PARPBP: variants seen among roughly 807,000 people sequenced by gnomAD.
PARPBP encodes the protein PCNA-interacting partner.
In PARPBP, 52 loss-of-function variants were observed where a neutral mutation model predicts 50.0. The ratio of observed to expected loss-of-function variants is 1.04; its 90% CI spans 0.83 to 1.31. The LOEUF (loss-of-function observed/expected upper bound fraction) is 1.31, where lower values mean the gene tolerates loss of function less well. PARPBP is among the 50% of genes most tolerant of loss of function. The probability of loss-of-function intolerance (pLI) is 0.00; values close to 1 mark genes in which losing one functional copy is unlikely to be tolerated. For missense variants in PARPBP, 697 were observed against 672.0 expected (o/e 1.04, Z -0.41); for synonymous variants, 244 against 232.1 (o/e 1.05, Z -0.47).
chr12:102,180,784 C>T (rs1462946194), intron 8 of PARPBP, among the ~76,000 whole-genome samples: 8 of 152,152 alleles, frequency 5.3e-5, no homozygotes, highest in East Asian at 1.9e-4. Context: ...ATTCTGCATT[C>T]GCATTTCTAA....
At chr12:102,178,543 C>A in intron 7 of PARPBP, 49 bp from the exon 8 acceptor site, 1 of 1,247,402 alleles carries the variant, frequency 8.0e-7, no homozygotes, top group Non-Finnish European at 1.1e-6. Flanking sequence ...TGGCCATTCA[C>A]CCAGCTGGGG....
intron 2 of PARPBP, among the ~76,000 whole-genome samples, chr12:102,147,715 T>TA (rs1447168589): frequency 6.6e-6 from 1 of 151,656 alleles, no homozygotes; most frequent in African/African-American, 2.4e-5. Flanking sequence ...TAAAGTATAA[T>TA]AATAATAAAA....
chr12:102,188,579 G>A (rs1230194274), intron 9 of PARPBP, among the ~76,000 whole-genome samples: 1 of 152,080 alleles, frequency 6.6e-6, no homozygotes, highest in African/African-American at 2.4e-5. Flanking sequence ...TGCTGGAAGA[G>A]GTCATCTGTA....
intron 2 of PARPBP, among the ~76,000 whole-genome samples, chr12:102,141,015 T>G (rs148169111): frequency 0.026 from 3,910 of 152,268 alleles, 139 homozygotes; most frequent in African/African-American, 0.077. Context: ...GGTGCAGAGC[T>G]GAGTTGAATT....
In PARPBP at chr12:102,197,313, A is replaced by G. The variant is rs1420840734; in HGVS notation, c.*1022A>G. ...TTAAAAATACCTTAGATGCAAATTT[A>G]TAGGAGAAAAAACACTTTCAGATAA... On this transcript the variant is annotated 3_prime_UTR_variant, in exon 11 of 11. Coordinates refer to ENST00000327680, the MANE Select transcript of PARPBP (RefSeq NM_017915.5). 5 of 848,648 alleles carry G rather than the reference A, an allele frequency of 5.9e-6. No individual in the cohort carries two copies. Among genetic ancestry groups the G allele is most frequent in the African/African-American group, 3.4e-5 (2 of 58,236 alleles). 52.6% of individuals were successfully genotyped at this position (848,648 alleles called of 1,614,324 possible).
rs940701311 is a variant in PARPBP, at chr12:102,120,189, A to T, written c.-101A>T. On this transcript the variant is annotated 5_prime_UTR_variant, in exon 1 of 11. Coordinates refer to ENST00000327680, the MANE Select transcript of PARPBP (RefSeq NM_017915.5). ...CTCCCGCGAGGTTTGAACTGTATTC[A>T]GCGGCGACAGCGGCGACTGCGGCGG... 3 of 244,242 alleles carry T rather than the reference A, an allele frequency of 1.2e-5. No individual in the cohort carries two copies. Among genetic ancestry groups the T allele is most frequent in the African/African-American group, 6.9e-5 (3 of 43,322 alleles). 15.1% of individuals were successfully genotyped at this position (244,242 alleles called of 1,614,324 possible). A position where few individuals can be genotyped will look rare whatever the true frequency, so the allele number is the denominator to read the frequency against.
chr12:102,140,640 T>C (rs1425865677), intron 2 of PARPBP, among the ~76,000 whole-genome samples: 1 of 152,236 alleles, frequency 6.6e-6, no homozygotes, highest in Non-Finnish European at 1.5e-5. Context: ...AATTTCCCTC[T>C]ACACACTGCT....
chr12:102,197,303 A>G lies in PARPBP; in HGVS notation c.*1012A>G, dbSNP rs773282390. The stretch of plus-strand genomic sequence containing the variant: ...TTTTGACTTTTTAAAAATACCTTAG[A>G]TGCAAATTTATAGGAGAAAAAACAC... On this transcript the variant is annotated 3_prime_UTR_variant, in exon 11 of 11. Transcript: ENST00000327680. 8 of 863,422 alleles carry G rather than the reference A, an allele frequency of 9.3e-6. No individual in the cohort carries two copies. In the East Asian group the frequency reaches 1.6e-4, roughly 17 times the overall value. The allele number at this position is 863,422 out of a possible 1,614,324, so 53.5% of individuals were successfully genotyped here.
chr12:102,191,013 G>A (rs1437707353), intron 9 of PARPBP, among the ~76,000 whole-genome samples: 2 of 152,118 alleles, frequency 1.3e-5, no homozygotes, highest in Non-Finnish European at 2.9e-5. Flanking sequence ...GTATTAGACT[G>A]AATTAAAATT....
At chr12:102,173,580 A>G (rs1355746031) in intron 6 of PARPBP, among the ~76,000 whole-genome samples, 5 of 152,178 alleles carry the variant, frequency 3.3e-5, no homozygotes, top group Admixed American at 3.3e-4. Context: ...CTGTATCATT[A>G]CTAAATAGAA....
In PARPBP at chr12:102,196,578, G is replaced by A. The variant is rs1555224453; in HGVS notation, c.*287G>A. On this transcript the variant is annotated 3_prime_UTR_variant, in exon 11 of 11. Coordinates refer to ENST00000327680, the MANE Select transcript of PARPBP (RefSeq NM_017915.5). ...TTAACATACACAAGTTATAGTAGCA[G>A]TATGGGCTTCTCCTCCCATTGGCAA... The A allele has an allele frequency of 1.9e-6, 2 of 1,032,886 alleles. No homozygotes were observed. Among genetic ancestry groups the A allele is most frequent in the South Asian group, 2.5e-5 (2 of 78,638 alleles). The allele number at this position is 1,032,886 out of a possible 1,614,324, so 64.0% of individuals were successfully genotyped here. A position where few individuals can be genotyped will look rare whatever the true frequency, so the allele number is the denominator to read the frequency against.
At chr12:102,187,433 C>T (rs1055857268) in intron 9 of PARPBP, among the ~76,000 whole-genome samples, 2 of 152,014 alleles carry the variant, frequency 1.3e-5, no homozygotes, top group African/African-American at 4.8e-5. Context: ...AAAATGAACC[C>T]TGGGATTTAC....
In PARPBP at chr12:102,165,874, C is replaced by G; in HGVS notation, c.812C>G (p.Pro271Arg). 2 of 1,543,502 alleles carry G rather than the reference C, an allele frequency of 1.3e-6. No homozygotes were observed. Among genetic ancestry groups the G allele is most frequent in the South Asian group, 1.1e-5 (1 of 86,962 alleles). ...DKLDEILGEI[P>R]NPSIAGGQIL... Reference sequence around the variant, plus strand: ...TTAGATGAGATTCTTGGAGAAATACCAAACCCAAGGTAATGACTTTTCATA... The same window carrying G: ...TTAGATGAGATTCTTGGAGAAATACGAAACCCAAGGTAATGACTTTTCATA... The change falls in exon 6 of 11, where the codon CCA becomes CGA. Residue 271 changes from proline (P) to arginine (R), a missense_variant. Pro to Arg is a moderately radical substitution (Grantham distance 103). Coordinates refer to ENST00000327680, the MANE Select transcript of PARPBP (RefSeq NM_017915.5).
chr12:102,191,529 G>T (rs566457154), intron 9 of PARPBP, among the ~76,000 whole-genome samples: 1 of 152,140 alleles, frequency 6.6e-6, no homozygotes, highest in Admixed American at 6.5e-5. Context: ...TATAATGGGG[G>T]TTTAGAACTT....
At chr12:102,195,164 T>C (rs1891167053) in intron 9 of PARPBP, 148 bp from the exon 10 acceptor site, 1 of 442,730 alleles carries the variant, frequency 2.3e-6, no homozygotes, top group South Asian at 5.5e-5. Context: ...CTATGAAATA[T>C]AAAAGGTTAG....
intron 3 of PARPBP, among the ~76,000 whole-genome samples, chr12:102,149,230 C>T (rs1005503926): frequency 2.6e-5 from 4 of 152,092 alleles, no homozygotes; most frequent in Non-Finnish European, 5.9e-5. Flanking sequence ...TATTTCAATA[C>T]AATACTTGAG....
intron 9 of PARPBP, among the ~76,000 whole-genome samples, chr12:102,186,653 G>A (rs1858172): frequency 0.26 from 39,388 of 151,920 alleles, 5,253 homozygotes; most frequent in East Asian, 0.42. Flanking sequence ...AAATCCCTGT[G>A]AATTAATTGG....
At chr12:102,151,819 C>T in intron 3 of PARPBP, 1 of 1,517,768 alleles carries the variant, frequency 6.6e-7, no homozygotes, top group Admixed American at 2.0e-5. Context: ...ATGGGAAAGC[C>T]ACCCGCTTCA....
chr12:102,158,616 T>G lies in PARPBP; in HGVS notation c.495+4640T>G, dbSNP rs552856073. Among the ~76,000 whole-genome samples, 4 of 152,300 alleles carry G rather than the reference T, an allele frequency of 2.6e-5. No individual in the cohort carries two copies. In the South Asian group the frequency reaches 6.2e-4, roughly 24 times the overall value. On this transcript the variant is annotated intron_variant, in intron 4 of 10. Transcript: ENST00000327680. ...CTCTTGCTTGAAATTAATTTTTCAC[T>G]TACATTTCCTTTCTTTTCCCTTGAT...
Sources: gnomAD v4.1 joint callset for allele counts (sites outside exome capture counted in the v4.1 genomes callset) on GRCh38, gnomAD v4.1.1 for gene constraint, MANE v1.5 for transcripts, NCBI Gene and HGNC (gene_info 2026-07-23, HGNC 2026-07-21) for gene names.